The following DMD variants were observed in gnomAD, a reference collection of about 807,000 sequenced individuals.
DMD encodes mutant dystrophin.
DMD carries 63 observed loss-of-function variants against 330.1 expected under a neutral mutation model. That is an observed-to-expected ratio of 0.19 (90% CI 0.16 to 0.24). DMD has a LOEUF of 0.24. DMD is among the 10% of genes least tolerant of loss of function. The pLI is 1.00. For missense variants in DMD, 3,344 were observed against 2,684.1 expected, an observed-to-expected ratio of 1.25 and a Z score of -5.43; for synonymous variants, 1,223 against 959.8, an observed-to-expected ratio of 1.27 and a Z score of -5.07.
intron 55 of DMD, among the ~76,000 whole-genome samples, chrX:31,593,431 C>T (rs6631351): frequency 9.0e-6 from 1 of 111,369 alleles, no homozygotes; most frequent in Non-Finnish European, 1.9e-5. Context: ...AAATAAAACT[C>T]TCAGGAAATC....
intron 7 of DMD, among the ~76,000 whole-genome samples, chrX:32,769,703 G>T (rs1376931402): frequency 9.0e-6 from 1 of 110,803 alleles, no homozygotes; most frequent in Non-Finnish European, 1.9e-5. Flanking sequence ...TATAAGAGCA[G>T]ATGAATAATT....
intron 44 of DMD, among the ~76,000 whole-genome samples, chrX:32,095,830 A>G (rs761761305): frequency 9.0e-6 from 1 of 111,727 alleles, no homozygotes; most frequent in African/African-American, 3.3e-5. Flanking sequence ...GGCTGCTAGT[A>G]TGAATTAAGC....
chrX:32,631,793 T>G (rs73621810), intron 11 of DMD, among the ~76,000 whole-genome samples: 1,656 of 111,199 alleles, frequency 0.015, 36 homozygotes, highest in African/African-American at 0.051. Flanking sequence ...CATGAGAAAT[T>G]CAACGCCATG....
At chrX:32,981,685 A>G (rs1569547010) in intron 2 of DMD, among the ~76,000 whole-genome samples, 1 of 111,606 alleles carries the variant, frequency 9.0e-6, no homozygotes, top group Non-Finnish European at 1.9e-5. Context: ...GTTTTGAAAT[A>G]CCATACTATT....
At chrX:33,327,464 T>C (rs1247742193) in intron 1 of DMD, among the ~76,000 whole-genome samples, 1 of 112,034 alleles carries the variant, frequency 8.9e-6, no homozygotes, top group Non-Finnish European at 1.9e-5. Flanking sequence ...TTAGTAATAA[T>C]CTGGTCTCTG....
intron 73 of DMD, among the ~76,000 whole-genome samples, chrX:31,171,590 C>T (rs750538490): frequency 5.3e-4 from 59 of 111,291 alleles, no homozygotes; most frequent in African/African-American, 1.9e-3. Context: ...GCTTCAATGT[C>T]TGCTCTCTCT....
intron 55 of DMD, among the ~76,000 whole-genome samples, chrX:31,559,819 C>T (rs181217764): frequency 3.6e-5 from 4 of 110,352 alleles, no homozygotes; most frequent in Non-Finnish European, 7.6e-5. Context: ...AATAAGACTT[C>T]TTGGCTCTGG....
intron 1 of DMD, among the ~76,000 whole-genome samples, chrX:33,195,069 G>T (rs145722875): frequency 9.0e-6 from 1 of 111,286 alleles, no homozygotes; most frequent in African/African-American, 3.3e-5. Flanking sequence ...CCATGCTTGT[G>T]CACACATATT....
chrX:32,036,790 C>T (rs921755703), intron 44 of DMD, among the ~76,000 whole-genome samples: 2 of 111,395 alleles, frequency 1.8e-5, no homozygotes, highest in Admixed American at 9.5e-5. Context: ...TGAAGGATGT[C>T]GTCAATACTT....
At chrX:31,356,855 T>G (rs2058698714) in intron 60 of DMD, among the ~76,000 whole-genome samples, 1 of 110,425 alleles carries the variant, frequency 9.1e-6, no homozygotes, top group Non-Finnish European at 1.9e-5. Context: ...TCTTTAGTTT[T>G]AATTACATCT....
At chrX:32,330,969 C>T (rs1183792060) in intron 41 of DMD, among the ~76,000 whole-genome samples, 16 of 111,325 alleles carry the variant, frequency 1.4e-4, no homozygotes, top group Admixed American at 1.3e-3. Flanking sequence ...CAAAGAAAAT[C>T]ATCAACAAAA....
At chrX:31,274,880 T>C (rs2051972150) in intron 62 of DMD, among the ~76,000 whole-genome samples, 1 of 111,475 alleles carries the variant, frequency 9.0e-6, no homozygotes, top group South Asian at 3.8e-4. Context: ...CATGGAAATA[T>C]ATAAAAATTT....
chrX:32,600,598 G>GCACGCACACGCACA (rs1556840611), intron 12 of DMD, among the ~76,000 whole-genome samples: 1 of 95,290 alleles, frequency 1.0e-5, no homozygotes, highest in East Asian at 3.4e-4. Context: ...ACACGCACAC[G>GCACGCACACGCACA]CACACACACA....
At chrX:32,727,417 T>G (rs750216827) in intron 7 of DMD, among the ~76,000 whole-genome samples, 5 of 111,105 alleles carry the variant, frequency 4.5e-5, no homozygotes, top group Admixed American at 9.6e-5. Flanking sequence ...AAATTCTGAT[T>G]AATGTTCAAG....
intron 61 of DMD, among the ~76,000 whole-genome samples, chrX:31,324,901 T>C (rs1019720190): frequency 9.8e-5 from 11 of 112,334 alleles, no homozygotes; most frequent in African/African-American, 3.6e-4. Context: ...TTAAGCGTAA[T>C]GAAACTCCAG....
At chrX:32,239,156 A>T (rs1466117225) in intron 43 of DMD, among the ~76,000 whole-genome samples, 1 of 111,372 alleles carries the variant, frequency 9.0e-6, no homozygotes, top group South Asian at 3.8e-4. Flanking sequence ...GTGACAACGA[A>T]AAAGGTCTCC....
At chrX:32,083,963 T>A (rs187631158) in intron 44 of DMD, among the ~76,000 whole-genome samples, 123 of 112,787 alleles carry the variant, frequency 1.1e-3, no homozygotes, top group African/African-American at 3.7e-3. Flanking sequence ...ACCTGCTTTA[T>A]TCTCTCCAGC....
upstream of DMD, among the ~76,000 whole-genome samples, chrX:33,212,666 T>G (rs968946263): frequency 9.0e-6 from 1 of 111,717 alleles, no homozygotes; most frequent in African/African-American, 3.2e-5. Context: ...TTTACCTTAA[T>G]AGTTAATTGT....
chrX:32,702,706 G>T (rs968800830), intron 7 of DMD, among the ~76,000 whole-genome samples: 2 of 111,292 alleles, frequency 1.8e-5, no homozygotes, highest in African/African-American at 6.5e-5. Context: ...GATATAAAGT[G>T]TTCAAGATCT....
Sources: allele counts gnomAD v4.1 joint callset (sites outside exome capture counted in the v4.1 genomes callset), GRCh38; gene constraint gnomAD v4.1.1; transcripts MANE v1.5; gene names NCBI Gene and HGNC (gene_info 2026-07-23, HGNC 2026-07-21).